Variants in ZNF248 observed in about 807,000 individuals in gnomAD.
The protein encoded by ZNF248 is zinc finger protein 248.
Under a neutral mutation model 44.3 loss-of-function variants are expected in ZNF248, and 20 were observed. That is an observed-to-expected ratio of 0.45 (90% CI 0.32 to 0.66). The LOEUF (loss-of-function observed/expected upper bound fraction) is 0.66. Among genes scored for constraint, ZNF248 ranks in the 30% least tolerant of loss-of-function variants. The pLI is 0.04. For missense variants in ZNF248, 654 were observed against 677.0 expected (o/e 0.97, Z 0.38); for synonymous variants, 224 against 229.0 (o/e 0.98, Z 0.20).
At chr10:37,819,418 A>C in intron 6 of ZNF248, 2 of 1,560,400 alleles carry the variant, frequency 1.3e-6, no homozygotes, top group Non-Finnish European at 1.8e-6. Context: ...CCTTTTTCTC[A>C]TCTCTCCAGT....
At chr10:37,851,783 A>C (rs1251155715) in intron 3 of ZNF248, among the ~76,000 whole-genome samples, 1 of 150,354 alleles carries the variant, frequency 6.7e-6, no homozygotes, top group Non-Finnish European at 1.5e-5. Flanking sequence ...AAAAAAAAAA[A>C]AAAAAAAAAA....
intron 3 of ZNF248, among the ~76,000 whole-genome samples, chr10:37,853,620 T>C (rs1243317925): frequency 6.6e-6 from 1 of 151,960 alleles, no homozygotes; most frequent in Non-Finnish European, 1.5e-5. Context: ...CCTCAGGTAA[T>C]CCACCCACCT....
In ZNF248 at chr10:37,830,198, C is replaced by T. The variant is rs1357308060; in HGVS notation, c.*1417G>A. 41 of 985,192 alleles carry T rather than the reference C, an allele frequency of 4.2e-5. No homozygotes were observed. The highest frequency in any genetic ancestry group is 4.8e-5 in the Non-Finnish European group (40 of 829,910). The allele number at this position is 985,192 out of a possible 1,614,324, so 61.0% of individuals were successfully genotyped here. ...GGAGTGCAGTGTTACTGCTTGTTAACCTTTGCATAATTTATGTAAAAACCA... is the reference window on the plus strand; with the variant it reads ...GGAGTGCAGTGTTACTGCTTGTTAATCTTTGCATAATTTATGTAAAAACCA... On this transcript the variant is annotated 3_prime_UTR_variant, in exon 6 of 6. Coordinates refer to ENST00000395867, the MANE Select transcript of ZNF248 (RefSeq NM_021045.3).
downstream of ZNF248, among the ~76,000 whole-genome samples, chr10:37,824,734 T>TGGA (rs1382319988): frequency 1.7e-5 from 2 of 120,510 alleles, no homozygotes; most frequent in African/African-American, 6.4e-5. Flanking sequence ...CAGGCTGGAG[T>TGGA]GGAGCGGCGC....
At chr10:37,775,420 AG>A (rs1485167813), downstream of ZNF248, 1 of 152,138 alleles carries the variant, frequency 6.6e-6, no homozygotes, top group African/African-American at 2.4e-5. Flanking sequence ...AGAAGAACAC[AG>A]GGGTGGTCAT....
chr10:37,824,378 A>G (rs2054001835), downstream of ZNF248, among the ~76,000 whole-genome samples: 2 of 152,260 alleles, frequency 1.3e-5, no homozygotes, highest in African/African-American at 4.8e-5. Flanking sequence ...TACCGAGAAG[A>G]ATGTTAGACC....
chr10:37,791,586 G>A (rs2048557825), intron 6 of ZNF248: 1 of 152,140 alleles, frequency 6.6e-6, no homozygotes, highest in South Asian at 2.1e-4. Context: ...AGGGAAGTGG[G>A]AGACAGATGG....
At position 37,818,876 on chromosome 10, in the gene ZNF248, A is replaced by G. The variant is rs186193817; in HGVS notation, c.330+14149T>C. The G allele has an allele frequency of 2.2e-5, 23 of 1,045,590 alleles. 1 individual carries two copies. The African/African-American group carries it at 3.1e-4, about 14-fold the overall frequency. 64.8% of individuals were successfully genotyped at this position (1,045,590 alleles called of 1,614,324 possible). On this transcript the variant is annotated intron_variant, in intron 6 of 6. Transcript: ENST00000615949. ...AGGATGTCTTGCTGAGACTGGTTAT[A>G]GCCAAAAGGCTTCCCTCCAGAAAGA...
the ZNF248 span, among the ~76,000 whole-genome samples, chr10:37,763,760 T>A: frequency 6.6e-6 from 1 of 152,214 alleles, no homozygotes; most frequent in Non-Finnish European, 1.5e-5. Flanking sequence ...ACATAAATTG[T>A]GAAGATTCCC....
At chr10:37,775,339 C>T (rs1408674244), downstream of ZNF248, 1 of 152,210 alleles carries the variant, frequency 6.6e-6, no homozygotes, top group East Asian at 1.9e-4. Flanking sequence ...GAATAAACAA[C>T]TCACCTGGCA....
chr10:37,850,686 A>G (rs1415599359), intron 3 of ZNF248, among the ~76,000 whole-genome samples: 2 of 152,230 alleles, frequency 1.3e-5, no homozygotes, highest in Non-Finnish European at 2.9e-5. Context: ...AAAGGAGTTC[A>G]GTAAAATTTT....
chr10:37,801,657 T>A (rs1241574661), intron 6 of ZNF248, among the ~76,000 whole-genome samples: 3 of 152,152 alleles, frequency 2.0e-5, no homozygotes, highest in Non-Finnish European at 2.9e-5. Context: ...TATAAGCTCA[T>A]TAGTAATCTG....
chr10:37,830,251 A>T lies in ZNF248; in HGVS notation c.*1364T>A, dbSNP rs1009267600. On this transcript the variant is annotated 3_prime_UTR_variant, in exon 6 of 6. Coordinates refer to ENST00000395867, the MANE Select transcript of ZNF248 (RefSeq NM_021045.3). The stretch of plus-strand genomic sequence containing the variant: ...CTTATTAACAACATTTACATTACAG[A>T]ATGACCCAGAGGTAGCTGAAAAACC... The T allele has an allele frequency of 1.0e-6, 1 of 985,286 alleles. No homozygotes were observed. Among genetic ancestry groups the T allele is most frequent in the African/African-American group, 1.7e-5 (1 of 57,220 alleles). 61.0% of individuals were successfully genotyped at this position (985,286 alleles called of 1,614,324 possible).
intron 6 of ZNF248, among the ~76,000 whole-genome samples, chr10:37,823,325 T>TC (rs1371742585): frequency 2.5e-4 from 21 of 85,268 alleles, no homozygotes; most frequent in African/African-American, 9.8e-4. Context: ...AGAGCGAGAC[T>TC]CCGTCTCCAA....
At chr10:37,790,596 G>C (rs2048389742) in intron 6 of ZNF248, among the ~76,000 whole-genome samples, 1 of 151,582 alleles carries the variant, frequency 6.6e-6, no homozygotes, top group East Asian at 2.0e-4. Flanking sequence ...TGTAGTCTCA[G>C]CTACTCGGGA....
At chr10:37,818,699 C>G in intron 6 of ZNF248, 1 of 560,064 alleles carries the variant, frequency 1.8e-6, no homozygotes, top group South Asian at 1.8e-5. Context: ...TATAATGCAG[C>G]AAGTAGGGGG....
At chr10:37,816,529 T>C (rs2052498422) in intron 6 of ZNF248, among the ~76,000 whole-genome samples, 1 of 152,212 alleles carries the variant, frequency 6.6e-6, no homozygotes, top group African/African-American at 2.4e-5. Flanking sequence ...TGGAGGTTTG[T>C]TCTGACACAA....
downstream of ZNF248, among the ~76,000 whole-genome samples, chr10:37,828,568 G>A (rs1021442863): frequency 2.6e-5 from 4 of 152,124 alleles, no homozygotes; most frequent in Non-Finnish European, 5.9e-5. Context: ...CAAATGTGGA[G>A]GACATGAAGA....
chr10:37,796,162 G>T (rs1363788993), intron 6 of ZNF248: 3 of 151,950 alleles, frequency 2.0e-5, no homozygotes, highest in African/African-American at 4.8e-5. Flanking sequence ...ATAAAAGGGG[G>T]GGAAGCAAGC....
Sources: gnomAD v4.1 joint callset for allele counts (sites outside exome capture counted in the v4.1 genomes callset) on GRCh38, gnomAD v4.1.1 for gene constraint, MANE v1.5 for transcripts, NCBI Gene and HGNC (gene_info 2026-07-23, HGNC 2026-07-21) for gene names.